The following TNFSF8 variants were observed in gnomAD, a reference collection of about 807,000 sequenced individuals.
TNFSF8 encodes the protein tumor necrosis factor ligand superfamily member 8.
A neutral mutation model predicts 22.0 loss-of-function variants in TNFSF8; 4 were observed. That is an observed-to-expected ratio of 0.18 (90% confidence interval 0.09 to 0.42). The LOEUF (loss-of-function observed/expected upper bound fraction) is 0.42. Among genes scored for constraint, TNFSF8 ranks in the 10% least tolerant of loss-of-function variants. The pLI is 1.00. For missense variants in TNFSF8, 233 were observed against 281.8 expected (o/e 0.83, Z 1.24); for synonymous variants, 106 against 112.5 (o/e 0.94, Z 0.37).
chr9:114,923,297 T>C (rs1437882125), intron 1 of TNFSF8, among the ~76,000 whole-genome samples: 1 of 152,092 alleles, frequency 6.6e-6, no homozygotes, highest in Non-Finnish European at 1.5e-5. Flanking sequence ...GGAGCTCTTC[T>C]CTACAGAAGA....
chr9:114,901,944 T>C lies in TNFSF8; in HGVS notation c.*1987A>G, dbSNP rs1188408780. On this transcript the variant is annotated 3_prime_UTR_variant, in exon 4 of 4. Transcript: ENST00000223795. ...TTCTTTCTTTTTTTCTTTTAAATCTTTTCTAGCTTTCCTTCTGACAAACTT... is the reference window on the plus strand; with the variant it reads ...TTCTTTCTTTTTTTCTTTTAAATCTCTTCTAGCTTTCCTTCTGACAAACTT... The C allele has an allele frequency of 2.0e-6, 2 of 984,372 alleles. No individual in the cohort carries two copies. The highest frequency in any genetic ancestry group is 2.3e-4 in the East Asian group (2 of 8,832). The allele number at this position is 984,372 out of a possible 1,614,324, so 61.0% of individuals were successfully genotyped here.
intron 2 of TNFSF8, among the ~76,000 whole-genome samples, chr9:114,916,754 G>A (rs562464165): frequency 2.0e-5 from 3 of 152,256 alleles, no homozygotes; most frequent in East Asian, 1.9e-4. Context: ...ACTTATTTGC[G>A]TGTAGTCAGC....
At chr9:114,911,409 T>A (rs1227034302) in intron 2 of TNFSF8, among the ~76,000 whole-genome samples, 4 of 152,148 alleles carry the variant, frequency 2.6e-5, no homozygotes, top group Admixed American at 2.6e-4. Context: ...GAGGACAGTC[T>A]CTCCCCTCTG....
At chr9:114,905,163 T>C (rs3181362) in intron 3 of TNFSF8, among the ~76,000 whole-genome samples, 31,354 of 152,158 alleles carry the variant, frequency 0.21, 6,902 homozygotes, top group African/African-American at 0.55. Flanking sequence ...TGCTTTCCCT[T>C]TAAACCTCGT....
At position 114,902,032 on chromosome 9, in the gene TNFSF8, G is replaced by A. The variant is rs1225910632; in HGVS notation, c.*1899C>T. On this transcript the variant is annotated 3_prime_UTR_variant, in exon 4 of 4. Coordinates refer to ENST00000223795, the MANE Select transcript of TNFSF8 (RefSeq NM_001244.4). ...AAATGCAAATTTTGCTCCATGTTTT[G>A]GTATAGCAGGGAAGCTTCCATCTTT... 9 of 985,110 alleles carry A rather than the reference G, an allele frequency of 9.1e-6. No individual in the cohort carries two copies. Among genetic ancestry groups the A allele is most frequent in the Non-Finnish European group, 1.1e-5 (9 of 829,916 alleles). The allele number at this position is 985,110 out of a possible 1,614,324, so 61.0% of individuals were successfully genotyped here.
chr9:114,904,056 A>C lies in TNFSF8; in HGVS notation c.580T>G (p.Leu194Val), dbSNP rs200718783. Residue 194 changes from leucine to valine, a missense_variant, in exon 4 of 4, where the codon TTG (leucine) becomes GTG (valine). Physicochemically the swap from Leu to Val is conservative, Grantham distance 32. Transcript: ENST00000223795. ...KHVYQNLSQF[L>V]LDYLQVNTTI... Reference sequence around the variant, plus strand: ...GTGTTGACCTGCAGGTAATCCAGCAAGAATTGAGAGAGATTCTGGTATACG... The same window carrying C: ...GTGTTGACCTGCAGGTAATCCAGCACGAATTGAGAGAGATTCTGGTATACG... 6.2e-7 allele frequency: 1 copy of C among 1,614,146 alleles called. No homozygotes were observed. Among genetic ancestry groups the C allele is most frequent in the African/African-American group, 1.3e-5 (1 of 75,050 alleles).
downstream of TNFSF8, among the ~76,000 whole-genome samples, chr9:114,897,839 A>G (rs1827672613): frequency 6.6e-6 from 1 of 152,132 alleles, no homozygotes; most frequent in African/African-American, 2.4e-5. Context: ...GAAAGAGCTT[A>G]GAGTTTAGGA....
rs61760050 is a variant in TNFSF8 at position 114,930,508 on chromosome 9, T to G, written c.-205A>C. On this transcript the variant is annotated 5_prime_UTR_variant, in exon 1 of 4. Coordinates refer to ENST00000223795, the MANE Select transcript of TNFSF8 (RefSeq NM_001244.4). The stretch of plus-strand genomic sequence containing the variant: ...AGCAAGGGTGGGGGAGAGGTTCATT[T>G]TTCATTGCCAGGGATTAAGTTGTGT... 3.0e-3 allele frequency: 1,321 copies of G among 445,164 alleles called. 27 individuals are homozygous for G. In the East Asian group the frequency reaches 0.042, roughly 14 times the overall value. 27.6% of individuals were successfully genotyped at this position (445,164 alleles called of 1,614,324 possible). A position where few individuals can be genotyped will look rare whatever the true frequency, so the allele number is the denominator to read the frequency against.
intron 1 of TNFSF8, among the ~76,000 whole-genome samples, chr9:114,926,174 C>T (rs963327340): frequency 6.6e-6 from 1 of 152,110 alleles, no homozygotes; most frequent in South Asian, 2.1e-4. Flanking sequence ...CTCAGGGGTA[C>T]ACTAGTACAA....
chr9:114,928,060 C>T (rs1201477667), intron 1 of TNFSF8, among the ~76,000 whole-genome samples: 4 of 152,058 alleles, frequency 2.6e-5, no homozygotes, highest in South Asian at 4.1e-4. Flanking sequence ...TTATATACCA[C>T]GGCTACTATT....
At chr9:114,897,368 G>A (rs1197183620), downstream of TNFSF8, among the ~76,000 whole-genome samples, 1 of 151,578 alleles carries the variant, frequency 6.6e-6, no homozygotes, top group African/African-American at 2.4e-5. Flanking sequence ...AATATGTATT[G>A]AATGGCCATC....
At chr9:114,930,051 G>A (rs752998769) in intron 1 of TNFSF8, 58 bp downstream of exon 1, 1 of 1,345,922 alleles carries the variant, frequency 7.4e-7, no homozygotes, top group Non-Finnish European at 9.8e-7. Flanking sequence ...TGTTCCCAGG[G>A]CTCTTTCTCT....
At chr9:114,927,280 G>A (rs1828075521) in intron 1 of TNFSF8, among the ~76,000 whole-genome samples, 1 of 151,808 alleles carries the variant, frequency 6.6e-6, no homozygotes, top group Non-Finnish European at 1.5e-5. Flanking sequence ...CAAGGCTTTA[G>A]AACAATGTCC....
chr9:114,899,828 G>A (rs1397004958), downstream of TNFSF8, among the ~76,000 whole-genome samples: 1 of 152,184 alleles, frequency 6.6e-6, no homozygotes, highest in Non-Finnish European at 1.5e-5. Flanking sequence ...CAGGTCATGA[G>A]CTCTGATCAC....
At chr9:114,918,007 G>C in intron 2 of TNFSF8, 89 bp downstream of exon 2, 1 of 1,341,886 alleles carries the variant, frequency 7.5e-7, no homozygotes, top group Non-Finnish European at 1.0e-6. Flanking sequence ...ATGTCATAGA[G>C]TTGTTTCTGG....
At chr9:114,906,206 T>A (rs1827782919) in intron 2 of TNFSF8, among the ~76,000 whole-genome samples, 1 of 152,216 alleles carries the variant, frequency 6.6e-6, no homozygotes, top group Non-Finnish European at 1.5e-5. Flanking sequence ...CTATACGTAT[T>A]TCATCTCCTT....
At chr9:114,908,118 C>G (rs1827806800) in intron 2 of TNFSF8, among the ~76,000 whole-genome samples, 1 of 152,222 alleles carries the variant, frequency 6.6e-6, no homozygotes, top group African/African-American at 2.4e-5. Context: ...TAGCAGTCAG[C>G]TCCTCCAGGA....
intron 1 of TNFSF8, among the ~76,000 whole-genome samples, chr9:114,926,002 CT>C (rs1353212528): frequency 1.3e-5 from 2 of 152,022 alleles, no homozygotes; most frequent in Non-Finnish European, 2.9e-5. Context: ...TTTATTTTTT[CT>C]TCTTTTGCTT....
intron 2 of TNFSF8, among the ~76,000 whole-genome samples, chr9:114,915,110 G>C (rs1037280790): frequency 2.0e-5 from 3 of 152,150 alleles, no homozygotes; most frequent in Admixed American, 6.5e-5. Flanking sequence ...TTCCTCCCAA[G>C]AGTACCTGAA....
Sources: gnomAD v4.1 joint callset for allele counts (sites outside exome capture counted in the v4.1 genomes callset) on GRCh38, gnomAD v4.1.1 for gene constraint, MANE v1.5 for transcripts, NCBI Gene and HGNC (gene_info 2026-07-23, HGNC 2026-07-21) for gene names.